Variants in XKR6 observed in about 807,000 individuals in gnomAD.
The protein encoded by XKR6 is XK related 6, also known as XK-related protein 6.
Under a neutral mutation model 56.7 loss-of-function variants are expected in XKR6, and 22 were observed. That is an observed-to-expected ratio of 0.39 (90% CI 0.28 to 0.55). XKR6 has a LOEUF of 0.55. XKR6 is among the 20% of genes least tolerant of loss of function. The pLI is 0.66. For missense variants in XKR6, 852 were observed against 889.0 expected, an observed-to-expected ratio of 0.96 and a Z score of 0.53; for synonymous variants, 524 against 387.8, an observed-to-expected ratio of 1.35 and a Z score of -4.13.
At chr8:11,045,632 T>G (rs1044247317) in intron 1 of XKR6, among the ~76,000 whole-genome samples, 1 of 152,208 alleles carries the variant, frequency 6.6e-6, no homozygotes, top group Non-Finnish European at 1.5e-5. Context: ...TAGTGCTGAG[T>G]GTTGCGGACA....
chr8:11,190,697 A>C (rs758302106), intron 1 of XKR6, among the ~76,000 whole-genome samples: 33 of 152,212 alleles, frequency 2.2e-4, no homozygotes, highest in Non-Finnish European at 4.7e-4. Flanking sequence ...AGGTTGAAGA[A>C]TATCATTCCT....
At chr8:11,137,720 G>GA (rs1800477653) in intron 1 of XKR6, 1 of 456,120 alleles carries the variant, frequency 2.2e-6, no homozygotes, top group African/African-American at 2.0e-5. Flanking sequence ...CCTGAAATAG[G>GA]AAAGAAGAAA....
In XKR6 at chr8:11,189,224, G is replaced by A. The variant is rs562326490; in HGVS notation, c.764+11352C>T. On this transcript the variant is annotated intron_variant, in intron 1 of 2. Coordinates refer to ENST00000416569, the MANE Select transcript of XKR6 (RefSeq NM_173683.4). ...TGAATTTGAGACACAAAATTCACTGGATTGAAATATCAATTTCCAAGCATA... is the reference window on the plus strand; with the variant it reads ...TGAATTTGAGACACAAAATTCACTGAATTGAAATATCAATTTCCAAGCATA... 4.6e-5 allele frequency among the ~76,000 whole-genome samples: 7 copies of A among 152,242 alleles called. No homozygotes were observed. The East Asian group carries it at 1.3e-3, about 29-fold the overall frequency.
At chr8:10,984,732 C>CTCTCTCTCTCTCTCTCTCTCTA in intron 1 of XKR6, among the ~76,000 whole-genome samples, 1 of 47,494 alleles carries the variant, frequency 2.1e-5, no homozygotes, top group Non-Finnish European at 4.2e-5. Flanking sequence ...CTCTCTCTCT[C>CTCTCTCTCTCTCTCTCTCTCTA]TATATATATA....
chr8:11,080,300 C>T (rs1797671802), intron 1 of XKR6, among the ~76,000 whole-genome samples: 1 of 152,046 alleles, frequency 6.6e-6, no homozygotes. Context: ...CACAATTTGT[C>T]CAAGCTATAG....
intron 1 of XKR6, among the ~76,000 whole-genome samples, chr8:11,188,100 A>T (rs943913711): frequency 2.0e-5 from 3 of 152,120 alleles, no homozygotes; most frequent in Non-Finnish European, 4.4e-5. Flanking sequence ...GAATGTGTGT[A>T]TCACATTACA....
intron 1 of XKR6, among the ~76,000 whole-genome samples, chr8:11,107,353 C>A (rs939465239): frequency 1.3e-5 from 2 of 152,110 alleles, no homozygotes; most frequent in Non-Finnish European, 2.9e-5. Context: ...GTGCACACCA[C>A]CATGCCCAGC....
intron 1 of XKR6, among the ~76,000 whole-genome samples, chr8:10,957,577 T>A (rs1297367476): frequency 6.6e-6 from 1 of 152,146 alleles, no homozygotes; most frequent in Non-Finnish European, 1.5e-5. Flanking sequence ...GGGATGCTGA[T>A]GGCGCAGTCA....
intron 1 of XKR6, among the ~76,000 whole-genome samples, chr8:11,102,623 A>G (rs1798526207): frequency 6.6e-6 from 1 of 152,076 alleles, no homozygotes; most frequent in South Asian, 2.1e-4. Flanking sequence ...TCACAACCGG[A>G]AGCCCACCGA....
chr8:11,158,233 T>C (rs973507401), intron 1 of XKR6, among the ~76,000 whole-genome samples: 1 of 152,122 alleles, frequency 6.6e-6, no homozygotes, highest in African/African-American at 2.4e-5. Flanking sequence ...AGCAGAAGCA[T>C]CTAACGGTCT....
chr8:11,090,867 G>A (rs538823247), intron 1 of XKR6, among the ~76,000 whole-genome samples: 7 of 151,780 alleles, frequency 4.6e-5, no homozygotes, highest in Non-Finnish European at 5.9e-5. Flanking sequence ...CATGTGTCCT[G>A]GATATAGTTT....
Position 10,924,765 on chromosome 8 carries a change from T to C in XKR6, c.830A>G (p.Tyr277Cys). 1 of 1,613,998 alleles carries C rather than the reference T, an allele frequency of 6.2e-7. No individual in the cohort carries two copies. The highest frequency in any genetic ancestry group is 8.5e-7 in the Non-Finnish European group (1 of 1,179,990). Residue 277 changes from tyrosine (Y) to cysteine (C), a missense_variant, in exon 2 of 3, where the codon TAC (tyrosine) becomes TGC (cysteine). This residue lies in a region of XKR6 where 199 missense variants were observed against 280.4 expected (regional missense o/e 0.71). Transcript: ENST00000416569. Reference protein sequence around the residue: ...QRRKEHQRRFYWAMMYEYADV... With the variant: ...QRRKEHQRRFCWAMMYEYADV... ...TGCATATTCATACATCATAGCCCAG[T>C]AGAAGCGTCGCTGGTGTTCCTTCCG...
chr8:10,983,047 A>C (rs1797771031), intron 1 of XKR6, among the ~76,000 whole-genome samples: 1 of 152,248 alleles, frequency 6.6e-6, no homozygotes, highest in Non-Finnish European at 1.5e-5. Context: ...GAAAGAATAT[A>C]TGAAAACATC....
At chr8:11,032,438 G>A (rs966506088) in intron 1 of XKR6, among the ~76,000 whole-genome samples, 1 of 152,212 alleles carries the variant, frequency 6.6e-6, no homozygotes, top group African/African-American at 2.4e-5. Flanking sequence ...TTGGCCCGAG[G>A]CTCAGCTACG....
chr8:10,987,214 G>C (rs1322836913), intron 1 of XKR6, among the ~76,000 whole-genome samples: 1 of 152,142 alleles, frequency 6.6e-6, no homozygotes, highest in Non-Finnish European at 1.5e-5. Flanking sequence ...TCTATGTGTG[G>C]GTTGAACAAC....
rs776631847 is a variant in XKR6 at position 11,200,887 on chromosome 8, G to T, written c.453C>A (p.Leu151=). The part of the protein sequence containing the change: ...GDVGTDLWLA[L]DYYRKGDYVY... ...CGTAGTCCCCCTTGCGGTAGTAGTC[G>T]AGGGCCAGCCACAGGTCGGTGCCCA... Residue 151 remains leucine (L), a synonymous_variant, in exon 1 of 3, where the codon CTC becomes CTA. Coordinates refer to ENST00000416569, the MANE Select transcript of XKR6 (RefSeq NM_173683.4). The surrounding 1 kb of genome is among the most constrained non-coding windows in gnomAD (Gnocchi z 6.4). 1 of 1,611,144 alleles carries T rather than the reference G, an allele frequency of 6.2e-7. No individual in the cohort carries two copies. Among genetic ancestry groups the T allele is most frequent in the Non-Finnish European group, 8.5e-7 (1 of 1,179,366 alleles).
At chr8:11,057,445 G>A (rs755756576) in intron 1 of XKR6, among the ~76,000 whole-genome samples, 59 of 152,238 alleles carry the variant, frequency 3.9e-4, no homozygotes, top group Non-Finnish European at 6.9e-4. Context: ...ACAAATGGAC[G>A]AGAAGTGACA....
At chr8:11,159,603 C>T (rs543975645) in intron 1 of XKR6, among the ~76,000 whole-genome samples, 2 of 152,192 alleles carry the variant, frequency 1.3e-5, no homozygotes, top group African/African-American at 4.8e-5. Context: ...AATTGTCAGT[C>T]CCCAATCCAA....
At chr8:10,994,243 G>T (rs577553826) in intron 1 of XKR6, among the ~76,000 whole-genome samples, 1 of 152,268 alleles carries the variant, frequency 6.6e-6, no homozygotes, top group Admixed American at 6.5e-5. Context: ...TGAGCTTTTC[G>T]TGCACCTTCA....
Sources: gnomAD v4.1 joint callset for allele counts (sites outside exome capture counted in the v4.1 genomes callset) on GRCh38, gnomAD v4.1.1 for gene constraint, gnomAD v4.1.1 regional missense constraint, Gnocchi (gnomAD v3.1) non-coding constraint, MANE v1.5 for transcripts, NCBI Gene and HGNC (gene_info 2026-07-23, HGNC 2026-07-21) for gene names.